The following TEP1 variants were observed in gnomAD, a reference collection of about 807,000 sequenced individuals.
The protein encoded by TEP1 is telomerase associated protein 1, also known as telomerase protein component 1.
A neutral mutation model predicts 306.3 loss-of-function variants in TEP1; 241 were observed. That is an observed-to-expected ratio of 0.79 (90% confidence interval 0.71 to 0.88). The LOEUF is 0.88. Ranked by LOEUF, TEP1 falls within the 40% of genes least tolerant of loss-of-function variation. The pLI is 0.00. For missense variants in TEP1, 3,051 were observed against 3,276.1 expected, an observed-to-expected ratio of 0.93 and a Z score of 1.68; for synonymous variants, 1,289 against 1,305.5, an observed-to-expected ratio of 0.99 and a Z score of 0.27.
chr14:20,369,930 T>TC (rs888340910), intron 51 of TEP1, 151 bp from the exon 52 acceptor site: 2 of 611,896 alleles, frequency 3.3e-6, no homozygotes, highest in African/African-American at 3.7e-5. Flanking sequence ...TTTTTTTTTT[T>TC]TGAGACGGAG....
At chr14:20,394,439 C>G (rs922496745) in intron 12 of TEP1, among the ~76,000 whole-genome samples, 5 of 148,626 alleles carry the variant, frequency 3.4e-5, no homozygotes, top group Admixed American at 2.0e-4. Context: ...CTACATTGGT[C>G]AGTACACAAA....
chr14:20,381,512 GC>G lies in TEP1; in HGVS notation c.4558+40del. The G allele has an allele frequency of 2.5e-6, 4 of 1,612,806 alleles. No homozygotes were observed. Among genetic ancestry groups the G allele is most frequent in the African/African-American group, 2.7e-5 (2 of 74,946 alleles). On this transcript the variant is annotated intron_variant, in intron 31 of 54. Transcript: ENST00000262715. The surrounding 1 kb of genome is among the most constrained non-coding windows in gnomAD (Gnocchi z 4.0). ...GGGTGGTCCTGGCCTCCAGGCCCAA[GC>G]CCCACACTCAGTGCCCAGGCTGACT...
chr14:20,380,277 A>G lies in TEP1; in HGVS notation c.4961T>C (p.Leu1654Pro), dbSNP rs1885450734. ...GGTCCGGGGTTTATTAAGCCATCGT[A>G]GTGTGTGTTGGAGGTGCCATCTCCG... The part of the protein sequence containing the change: ...LSRRWHLQHT[L>P]RWLNKPRTMK... Residue 1654 changes from leucine (L) to proline (P), a missense_variant, in exon 34 of 55, where the codon CTA (leucine) becomes CCA (proline). By Grantham distance (98) the Leu-to-Pro change is moderately conservative. Coordinates refer to ENST00000262715, the MANE Select transcript of TEP1 (RefSeq NM_007110.5). 6.2e-7 allele frequency: 1 copy of G among 1,614,052 alleles called. No homozygotes were observed. The highest frequency in any genetic ancestry group is 8.5e-7 in the Non-Finnish European group (1 of 1,180,018).
At chr14:20,380,823 T>C (rs899821720) in intron 33 of TEP1, 108 bp downstream of exon 33, 6 of 953,656 alleles carry the variant, frequency 6.3e-6, no homozygotes, top group Admixed American at 2.5e-5. Flanking sequence ...AATTTGAATC[T>C]TTTTTCCCTG....
Position 20,384,385 on chromosome 14 carries a change from G to A in TEP1, c.3339+6C>T, listed in dbSNP as rs1304984975. 2 of 1,614,036 alleles carry A rather than the reference G, an allele frequency of 1.2e-6. No individual in the cohort carries two copies. The highest frequency in any genetic ancestry group is 2.2e-5 in the South Asian group (2 of 91,080). On this transcript the variant is annotated splice_donor_region_variant and intron_variant, in intron 23 of 54. Transcript: ENST00000262715. ...CATGCCTCTGGTCACCAGTGCTTCT[G>A]CTGACCTGCAGGTAGAGCTTCTGGA...
intron 54 of TEP1, 102 bp downstream of exon 54, chr14:20,368,696 C>A: frequency 1.3e-6 from 2 of 1,534,524 alleles, no homozygotes; most frequent in Non-Finnish European, 1.8e-6. Context: ...GAATTTTGAT[C>A]TTTTGCCCTT....
chr14:20,373,568 G>C lies in TEP1; in HGVS notation c.6620C>G (p.Ser2207Ter). ...CCCGACGGTTACCACCAGAAGCTCT[G>C]ACCCAGGCTGTCCAGCTGATAAGAC... ...MEPRAAGQPG[S>*]ELLVVTVGLD... Residue 2207 changes from serine to a stop codon, truncating the protein, a stop_gained, in exon 46 of 55, where the codon TCA becomes TGA. Coordinates refer to ENST00000262715, the MANE Select transcript of TEP1 (RefSeq NM_007110.5). LOFTEE classifies it high-confidence loss of function. 1 of 1,614,224 alleles carries C rather than the reference G, an allele frequency of 6.2e-7. No individual in the cohort carries two copies. Among genetic ancestry groups the C allele is most frequent in the South Asian group, 1.1e-5 (1 of 91,072 alleles).
rs768131285 is a variant in TEP1, at chr14:20,371,217, C to A, written c.7317+1G>T. The stretch of plus-strand genomic sequence containing the variant: ...TTAGCACACACTCAAATAGGACTTA[C>A]CAAGAAAGAAAGAACTCCAGGATCC... On this transcript the variant is annotated splice_donor_variant, in intron 51 of 54. Transcript: ENST00000262715. LOFTEE classifies it high-confidence loss of function. The A allele has an allele frequency of 6.2e-7, 1 of 1,613,112 alleles. No homozygotes were observed.
At chr14:20,393,664 C>T (rs180821744) in intron 12 of TEP1, among the ~76,000 whole-genome samples, 611 of 152,060 alleles carry the variant, frequency 4.0e-3, no homozygotes, top group African/African-American at 0.012. Context: ...TGGTGGTATG[C>T]ACCTGTAATC....
chr14:20,378,990 T>C lies in TEP1; in HGVS notation c.5243A>G (p.His1748Arg), dbSNP rs774436082. ...DGLLELWDLQ[H>R]GCRVLQTKAH... is the part of the protein sequence containing the mutation. ...GGGGAGGACCCCTTACCGACAACCA[T>C]GCTGCAGGTCCCAGAGCTCCAGGAG... is the stretch of plus-strand genomic sequence containing the variant. Residue 1748 changes from histidine to arginine, a missense_variant, in exon 36 of 55, where the codon CAT becomes CGT. His to Arg is a conservative substitution (Grantham distance 29). Around this residue, in one of 3 missense-constraint regions of TEP1, gnomAD observed 1,540 missense variants for 1,705.9 expected, o/e 0.90. Transcript: ENST00000262715. 2 of 1,613,922 alleles carry C rather than the reference T, an allele frequency of 1.2e-6. No homozygotes were observed. The highest frequency in any genetic ancestry group is 4.5e-5 in the East Asian group (2 of 44,874).
In TEP1 at chr14:20,380,944, G is replaced by C. The variant is rs1222242372; in HGVS notation, c.4749C>G (p.Ala1583=). 1.2e-6 allele frequency: 2 copies of C among 1,613,978 alleles called. No individual in the cohort carries two copies. Among genetic ancestry groups the C allele is most frequent in the Non-Finnish European group, 1.7e-6 (2 of 1,179,916 alleles). Residue 1583 remains alanine (A), a synonymous_variant, in exon 33 of 55, where the codon GCC becomes GCG. Transcript: ENST00000262715. Reference sequence around the variant, plus strand: ...GACTCATCTCACCATAGAGGGCATGGGCCTCCAAGAGCCGAGAGACCAGAC... The same window carrying C: ...GACTCATCTCACCATAGAGGGCATGCGCCTCCAAGAGCCGAGAGACCAGAC... ...ELGLVSRLLE[A]HALYASSVPK...
rs761525669 is a variant in TEP1, at chr14:20,380,202, TGGGCTTACTAGGGTCTGGGGTCAA to T, written c.5003+9_5003+32del. The T allele has an allele frequency of 3.1e-6, 5 of 1,602,184 alleles. No individual in the cohort carries two copies. The highest frequency in any genetic ancestry group is 4.3e-6 in the Non-Finnish European group (5 of 1,172,158). On this transcript the variant is annotated intron_variant, in intron 34 of 54. Coordinates refer to ENST00000262715, the MANE Select transcript of TEP1 (RefSeq NM_007110.5). ...GAAAGAGCTGCAGCTTGCTCTCTGG[TGGGCTTACTAGGGTCTGGGGTCAA>T]GGTCTTACCTTTGCTGATTTTTCAT...
chr14:20,376,287 G>A (rs1489881716), intron 41 of TEP1, 23 bp from the exon 42 acceptor site: 7 of 1,601,802 alleles, frequency 4.4e-6, no homozygotes, highest in Non-Finnish European at 6.0e-6. Context: ...AAGAGAGAGG[G>A]AACAGCTTCC....
chr14:20,392,153 T>C (rs986013206), intron 12 of TEP1, among the ~76,000 whole-genome samples: 5 of 152,252 alleles, frequency 3.3e-5, no homozygotes, highest in African/African-American at 1.2e-4. Flanking sequence ...AAATTGAATA[T>C]TCATCCCACC....
chr14:20,403,953 A>C, intron 5 of TEP1, 69 bp from the exon 6 acceptor site: 2 of 1,601,692 alleles, frequency 1.2e-6, no homozygotes, highest in Non-Finnish European at 1.7e-6. Context: ...AAACGAGATC[A>C]CTTCATGGAG....
intron 5 of TEP1, 28 bp downstream of exon 5, chr14:20,404,583 C>G (rs1014131259): frequency 6.3e-7 from 1 of 1,598,242 alleles, no homozygotes; most frequent in Non-Finnish European, 8.5e-7. Flanking sequence ...GAAGTGAAGG[C>G]CCAAGCTCAG....
chr14:20,378,936 A>C, intron 36 of TEP1, 45 bp downstream of exon 36: 3 of 1,613,906 alleles, frequency 1.9e-6, no homozygotes, highest in Non-Finnish European at 1.7e-6. Flanking sequence ...CTTCCAAAAA[A>C]TGGGGAAGGC....
At chr14:20,372,927 C>G in intron 48 of TEP1, 70 bp from the exon 49 acceptor site, 1 of 1,613,260 alleles carries the variant, frequency 6.2e-7, no homozygotes, top group Non-Finnish European at 8.5e-7. Flanking sequence ...CCCTCCCAGG[C>G]ACATATGCAA....
chr14:20,402,145 A>G (rs147722126), intron 7 of TEP1, among the ~76,000 whole-genome samples: 146 of 152,116 alleles, frequency 9.6e-4, no homozygotes, highest in African/African-American at 3.0e-3. Flanking sequence ...GTCTCTACTA[A>G]AACTACAAAA....
Sources: gnomAD v4.1 joint callset for allele counts (sites outside exome capture counted in the v4.1 genomes callset) on GRCh38, gnomAD v4.1.1 for gene constraint, gnomAD v4.1.1 regional missense constraint, Gnocchi (gnomAD v3.1) non-coding constraint, MANE v1.5 for transcripts, NCBI Gene and HGNC (gene_info 2026-07-23, HGNC 2026-07-21) for gene names.